The following TOP3A variants were observed in gnomAD, a reference collection of about 807,000 sequenced individuals.
TOP3A encodes the protein DNA topoisomerase 3-alpha.
A neutral mutation model predicts 111.3 loss-of-function variants in TOP3A; 64 were observed. That is an observed-to-expected ratio of 0.57 (90% confidence interval 0.47 to 0.71). The LOEUF is 0.71. TOP3A is among the 30% of genes least tolerant of loss of function. TOP3A has a pLI of 0.00. For missense variants in TOP3A, 1,104 were observed against 1,285.0 expected, an observed-to-expected ratio of 0.86 and a Z score of 2.15; for synonymous variants, 484 against 485.1, an observed-to-expected ratio of 1.00 and a Z score of 0.03.
Position 18,280,691 on chromosome 17 carries a change from G to A in TOP3A, c.2022-33C>T. On this transcript the variant is annotated intron_variant, in intron 16 of 18. Transcript: ENST00000321105. ...CAAAGTGCCATGTCAGATGATAGGA[G>A]TGCAGGAGATGCTCTCCGCTGTTGG... 1.9e-6 allele frequency: 3 copies of A among 1,610,214 alleles called. 1 individual carries two copies. The highest frequency in any genetic ancestry group is 2.2e-5 in the South Asian group (2 of 90,900).
chr17:18,279,150 CAATGTCATT>C (rs1271500991), intron 17 of TOP3A, among the ~76,000 whole-genome samples: 1 of 152,090 alleles, frequency 6.6e-6, no homozygotes, highest in African/African-American at 2.4e-5. Context: ...AAATGTAAAA[CAATGTCATT>C]AATGTCATTA....
rs746883933 is a variant in TOP3A, at chr17:18,305,239, T to A, written c.391-19A>T. Reference sequence around the variant, plus strand: ...AAGTTTTCTTAAGTTCGCAGTGGAATAAGAGTGGTGAGAACAGAATTGCAC... The same window carrying A: ...AAGTTTTCTTAAGTTCGCAGTGGAAAAAGAGTGGTGAGAACAGAATTGCAC... On this transcript the variant is annotated intron_variant, in intron 4 of 18. Coordinates refer to ENST00000321105, the MANE Select transcript of TOP3A (RefSeq NM_004618.5). The A allele has an allele frequency of 1.6e-5, 25 of 1,595,510 alleles. No individual in the cohort carries two copies. The highest frequency in any genetic ancestry group is 2.2e-5 in the South Asian group (2 of 90,738).
At chr17:18,280,779 CTT>C in intron 16 of TOP3A, 121 bp from the exon 17 acceptor site, 1 of 1,137,294 alleles carries the variant, frequency 8.8e-7, no homozygotes, top group Non-Finnish European at 1.3e-6. Context: ...CTGGATGACA[CTT>C]AACTGGATAC....
In TOP3A at chr17:18,278,326, G is replaced by A; in HGVS notation, c.2176C>T (p.Pro726Ser). ...LKLKFKRGSL[P>S]PTMPLEFVCC... is the part of the protein sequence containing the mutation. The stretch of plus-strand genomic sequence containing the variant: ...ACAAACTCCAGAGGCATGGTCGGGG[G>A]AAGGCTACCGCGCTTAAACTTTAAC... The change falls in exon 18 of 19, where the codon CCC becomes TCC. Residue 726 changes from proline to serine, a missense_variant. Transcript: ENST00000321105. 6.6e-7 allele frequency: 1 copy of A among 1,515,942 alleles called. No individual in the cohort carries two copies. 93.9% of individuals were successfully genotyped at this position (1,515,942 alleles called of 1,614,324 possible).
rs763626474 is a variant in TOP3A at position 18,273,149 on chromosome 17, A to G, written c.*1653T>C. On this transcript the variant is annotated 3_prime_UTR_variant, in exon 19 of 19. Transcript: ENST00000321105. ...ATCCTCCCCAATACCCCATCAGAAC[A>G]CAGAGCCACTGGTCTATGGGCCAGG... 6 of 152,164 alleles carry G rather than the reference A, an allele frequency of 3.9e-5. No homozygotes were observed. The highest frequency in any genetic ancestry group is 9.7e-5 in the African/African-American group (4 of 41,438). The allele number at this position is 152,164 out of a possible 1,614,324, so 9.4% of individuals were successfully genotyped here.
intron 13 of TOP3A, among the ~76,000 whole-genome samples, chr17:18,287,567 T>G (rs1427383391): frequency 2.6e-5 from 4 of 151,416 alleles, no homozygotes; most frequent in Middle Eastern, 3.4e-3. Context: ...AACAAAAAAA[T>G]TAGCTGGGTA....
intron 15 of TOP3A, among the ~76,000 whole-genome samples, chr17:18,284,263 C>T (rs1217926627): frequency 4.0e-5 from 6 of 151,666 alleles, no homozygotes; most frequent in Admixed American, 6.6e-5. Flanking sequence ...CTACCCGCCT[C>T]GGCCTCCCAA....
At chr17:18,289,420 G>A (rs1390416155) in intron 13 of TOP3A, among the ~76,000 whole-genome samples, 2 of 152,102 alleles carry the variant, frequency 1.3e-5, no homozygotes, top group African/African-American at 4.8e-5. Flanking sequence ...AGCTACAGGT[G>A]CCCACCGCCA....
rs147935952 is a variant in TOP3A at position 18,289,296 on chromosome 17, T to C, written c.1597+1261A>G. Among the ~76,000 whole-genome samples, 21 of 152,266 alleles carry C rather than the reference T, an allele frequency of 1.4e-4. No homozygotes were observed. In the East Asian group the frequency reaches 1.9e-3, roughly 14 times the overall value. On this transcript the variant is annotated intron_variant, in intron 13 of 18. Transcript: ENST00000321105. ...TCCCAAAGTACTAAGATTACAGGCA[T>C]GAGTCACCGTGCCCAGCCAGATCTG...
In TOP3A at chr17:18,291,006, C is replaced by T. The variant is rs745827575; in HGVS notation, c.1303G>A (p.Glu435Lys). 1.1e-5 allele frequency: 17 copies of T among 1,614,052 alleles called. No individual in the cohort carries two copies. The highest frequency in any genetic ancestry group is 1.3e-5 in the African/African-American group (1 of 74,928). ...NLQGDEQRLY[E>K]FIVRHFLACC... The stretch of plus-strand genomic sequence containing the variant: ...GCCAGGAAATGGCGAACAATAAACT[C>T]GTACAGTCGCTGTTCATCTCCCTAG... Residue 435 changes from glutamate to lysine, a missense_variant, in exon 12 of 19, where the codon GAG (glutamate) becomes AAG (lysine). Physicochemically the swap from Glu to Lys is moderately conservative, Grantham distance 56. Transcript: ENST00000321105.
intron 13 of TOP3A, among the ~76,000 whole-genome samples, chr17:18,288,945 T>C (rs1287093509): frequency 1.3e-5 from 2 of 152,226 alleles, no homozygotes; most frequent in African/African-American, 4.8e-5. Context: ...TACCTCAGTC[T>C]CTGCCTTCCG....
Position 18,292,716 on chromosome 17 carries a change from G to C in TOP3A, c.1210C>G (p.Pro404Ala). Residue 404 changes from proline to alanine, a missense_variant, in exon 11 of 19, where the codon CCA (proline) becomes GCA (alanine). Pro to Ala is a conservative substitution (Grantham distance 27). Coordinates refer to ENST00000321105, the MANE Select transcript of TOP3A (RefSeq NM_004618.5). ...QSILERGGPT[P>A]RNGNKSDQAH... ...TGGTCAGACTTGTTCCCATTGCGTG[G>C]GGTGGGACCACCCCGCTCTAGAATG... The C allele has an allele frequency of 1.9e-6, 3 of 1,610,428 alleles. No homozygotes were observed. Among genetic ancestry groups the C allele is most frequent in the Non-Finnish European group, 2.5e-6 (3 of 1,177,534 alleles).
At chr17:18,291,612 A>G (rs996638784) in intron 11 of TOP3A, among the ~76,000 whole-genome samples, 1 of 152,280 alleles carries the variant, frequency 6.6e-6, no homozygotes, top group African/African-American at 2.4e-5. Context: ...CAGATTTGGC[A>G]AAATAAATTA....
chr17:18,286,663 G>A (rs1980126754), intron 13 of TOP3A, among the ~76,000 whole-genome samples: 2 of 152,140 alleles, frequency 1.3e-5, no homozygotes, highest in South Asian at 2.1e-4. Flanking sequence ...AATGAAAAAC[G>A]GTACAGCCAC....
At chr17:18,301,630 A>G (rs1981233607) in intron 8 of TOP3A, among the ~76,000 whole-genome samples, 1 of 152,224 alleles carries the variant, frequency 6.6e-6, no homozygotes, top group Non-Finnish European at 1.5e-5. Context: ...TGGTGATAGT[A>G]TATGCCCCAA....
At chr17:18,299,493 G>T in intron 9 of TOP3A, 66 bp downstream of exon 9, 1 of 1,463,324 alleles carries the variant, frequency 6.8e-7, no homozygotes, top group Non-Finnish European at 9.6e-7. Flanking sequence ...AGTCTAGGCG[G>T]TAGAACCACA....
intron 12 of TOP3A, 35 bp from the exon 13 acceptor site, chr17:18,290,721 T>C: frequency 6.3e-7 from 1 of 1,580,134 alleles, no homozygotes; most frequent in Non-Finnish European, 8.6e-7. Context: ...GTCAGATGAT[T>C]CCATCAGCAC....
In TOP3A at chr17:18,314,736, G is replaced by A. The variant is rs373981678; in HGVS notation, c.43C>T (p.Arg15Trp). The change falls in exon 1 of 19, where the codon CGG (arginine) becomes TGG (tryptophan). Residue 15 changes from arginine (R) to tryptophan (W), a missense_variant. Coordinates refer to ENST00000321105, the MANE Select transcript of TOP3A (RefSeq NM_004618.5). ...VARYALRWLR[R>W]PEDRAFSRAA... ...CGGGAAAAGGCACGGTCTTCGGGCC[G>A]TCGCAGCCACCGGAGCGCGTAGCGG... 5.7e-6 allele frequency: 9 copies of A among 1,579,938 alleles called. No individual in the cohort carries two copies. Among genetic ancestry groups the A allele is most frequent in the African/African-American group, 5.4e-5 (4 of 73,766 alleles).
chr17:18,303,846 C>T (rs1324689848), intron 5 of TOP3A, among the ~76,000 whole-genome samples: 1 of 152,142 alleles, frequency 6.6e-6, no homozygotes. Flanking sequence ...CACTTTTCTT[C>T]CCCTTTACTT....
Sources: allele counts gnomAD v4.1 joint callset (sites outside exome capture counted in the v4.1 genomes callset), GRCh38; gene constraint gnomAD v4.1.1; transcripts MANE v1.5; gene names NCBI Gene and HGNC (gene_info 2026-07-23, HGNC 2026-07-21).